The following PSMD14 variants were observed in gnomAD, a reference collection of about 807,000 sequenced individuals.
The protein encoded by PSMD14 is proteasome 26S subunit, non-ATPase 14.
A neutral mutation model predicts 41.2 loss-of-function variants in PSMD14; 7 were observed. The observed-to-expected ratio is 0.17, with a 90% CI of 0.10 to 0.32. PSMD14 has a LOEUF of 0.32. Ranked by LOEUF, PSMD14 falls within the 10% of genes least tolerant of loss-of-function variation. PSMD14 has a pLI of 1.00. For synonymous variants in PSMD14, 114 were observed against 122.3 expected (o/e 0.93, Z 0.45); for missense variants, 139 against 375.6 (o/e 0.37, Z 5.21).
At chr2:161,314,441 C>A (rs1475224719) in intron 1 of PSMD14, among the ~76,000 whole-genome samples, 8 of 152,202 alleles carry the variant, frequency 5.3e-5, no homozygotes. Context: ...AGTTTAGTAT[C>A]ATTTTGTCCA....
chr2:161,358,520 C>T (rs918538662), intron 3 of PSMD14, among the ~76,000 whole-genome samples: 2 of 152,136 alleles, frequency 1.3e-5, no homozygotes, highest in African/African-American at 4.8e-5. Context: ...GGTAGCTCCT[C>T]CCAATCCTGA....
At chr2:161,365,280 G>A (rs936186429) in intron 3 of PSMD14, among the ~76,000 whole-genome samples, 1 of 152,172 alleles carries the variant, frequency 6.6e-6, no homozygotes, top group African/African-American at 2.4e-5. Context: ...CTCTCTCGAG[G>A]TAACTCTAGT....
At chr2:161,331,345 C>T (rs1682787917) in intron 3 of PSMD14, among the ~76,000 whole-genome samples, 2 of 151,904 alleles carry the variant, frequency 1.3e-5, no homozygotes, top group Non-Finnish European at 1.5e-5. Context: ...TCAGTGCAAC[C>T]TCCGCCTCCC....
At position 161,401,121 on chromosome 2, in the gene PSMD14, T is replaced by C. The variant is rs563474904; in HGVS notation, c.771+5918T>C. Among the ~76,000 whole-genome samples, 12 of 152,376 alleles carry C rather than the reference T, an allele frequency of 7.9e-5. No individual in the cohort carries two copies. In the South Asian group the frequency reaches 2.5e-3, roughly 32 times the overall value. ...CTTGTAAACAGATAATGTAAACTTATTGTATTGATAAATAAGTACGGTACT... is the reference window on the plus strand; with the variant it reads ...CTTGTAAACAGATAATGTAAACTTACTGTATTGATAAATAAGTACGGTACT... On this transcript the variant is annotated intron_variant, in intron 10 of 11. Coordinates refer to ENST00000409682, the MANE Select transcript of PSMD14 (RefSeq NM_005805.6).
At chr2:161,311,625 C>CTT (rs34635738) in intron 1 of PSMD14, among the ~76,000 whole-genome samples, 169 of 58,524 alleles carry the variant, frequency 2.9e-3, no homozygotes, top group East Asian at 4.5e-3. Flanking sequence ...CTCACTCTTC[C>CTT]TTTTTTTTTT....
chr2:161,391,170 GA>G lies in PSMD14; in HGVS notation c.639del (p.Glu213AspfsTer6). On this transcript the variant is annotated frameshift_variant, in exon 9 of 12. Transcript: ENST00000409682. LOFTEE classifies it high-confidence loss of function. The part of the protein sequence containing the change: ...ITINYRKNEL[E>X]QKMLLNLHKK... ...TATTAACTATCGGAAAAATGAACTG[GA>G]ACAGAAGGTAAGTTTAAATTTTTAT... 6.6e-7 allele frequency: 1 copy of G among 1,520,188 alleles called. No individual in the cohort carries two copies. Among genetic ancestry groups the G allele is most frequent in the South Asian group, 1.3e-5 (1 of 77,506 alleles). The allele number at this position is 1,520,188 out of a possible 1,614,324, so 94.2% of individuals were successfully genotyped here.
intron 3 of PSMD14, among the ~76,000 whole-genome samples, chr2:161,345,091 A>G (rs1034031250): frequency 2.0e-4 from 31 of 152,156 alleles, no homozygotes; most frequent in Middle Eastern, 3.2e-3. Flanking sequence ...TTCTGGATGT[A>G]GATACTCAGT....
chr2:161,364,019 A>T (rs1683325469), intron 3 of PSMD14, among the ~76,000 whole-genome samples: 1 of 152,222 alleles, frequency 6.6e-6, no homozygotes, highest in Non-Finnish European at 1.5e-5. Flanking sequence ...GAAGAATCAG[A>T]TCACACGTGG....
intron 1 of PSMD14, among the ~76,000 whole-genome samples, chr2:161,315,558 A>G (rs754274380): frequency 6.6e-6 from 1 of 152,210 alleles, no homozygotes; most frequent in Non-Finnish European, 1.5e-5. Context: ...CTACAACACA[A>G]TAAAAATGGA....
intron 3 of PSMD14, among the ~76,000 whole-genome samples, chr2:161,364,089 C>G (rs1416868825): frequency 2.0e-5 from 3 of 152,076 alleles, no homozygotes; most frequent in Non-Finnish European, 2.9e-5. Flanking sequence ...ATGGGGGAGC[C>G]AGAAGGGAGA....
At chr2:161,342,230 A>G (rs963288101) in intron 3 of PSMD14, among the ~76,000 whole-genome samples, 1 of 152,204 alleles carries the variant, frequency 6.6e-6, no homozygotes, top group African/African-American at 2.4e-5. Flanking sequence ...CGTAGGGGGA[A>G]ACATTCATTA....
chr2:161,348,709 A>G (rs1683078626), intron 3 of PSMD14, among the ~76,000 whole-genome samples: 1 of 152,226 alleles, frequency 6.6e-6, no homozygotes, highest in Non-Finnish European at 1.5e-5. Flanking sequence ...ACGATCACTA[A>G]GATGAGAATA....
At chr2:161,315,841 CTTTTTTTTTTTT>C (rs34015300) in intron 1 of PSMD14, among the ~76,000 whole-genome samples, 1 of 96,790 alleles carries the variant, frequency 1.0e-5, no homozygotes, top group Non-Finnish European at 2.1e-5. Context: ...TTATTTTATT[CTTTTTTTTTTTT>C]TTTTTTTGAG....
chr2:161,332,388 T>TA (rs1378298960), intron 3 of PSMD14, among the ~76,000 whole-genome samples: 1 of 152,196 alleles, frequency 6.6e-6, no homozygotes, highest in Admixed American at 6.5e-5. Context: ...TTGTTTTATT[T>TA]AAAAAAATTA....
At chr2:161,367,387 A>T (rs948125626) in intron 3 of PSMD14, 91 bp from the exon 4 acceptor site, 34 of 1,071,626 alleles carry the variant, frequency 3.2e-5, no homozygotes, top group Non-Finnish European at 4.3e-5. Context: ...AAACTATTTT[A>T]AAAATATCAA....
At chr2:161,362,147 C>T (rs1683297825) in intron 3 of PSMD14, among the ~76,000 whole-genome samples, 1 of 152,060 alleles carries the variant, frequency 6.6e-6, no homozygotes, top group Admixed American at 6.5e-5. Context: ...CTCACTGCAG[C>T]CTCAGCCTTT....
At chr2:161,354,277 T>C (rs1280711274) in intron 3 of PSMD14, among the ~76,000 whole-genome samples, 1 of 152,152 alleles carries the variant, frequency 6.6e-6, no homozygotes, top group Non-Finnish European at 1.5e-5. Flanking sequence ...AGACAGAGTC[T>C]CACTCTTGCC....
intron 3 of PSMD14, among the ~76,000 whole-genome samples, chr2:161,347,561 ATAGT>A: frequency 6.6e-6 from 1 of 152,352 alleles, no homozygotes; most frequent in East Asian, 1.9e-4. Context: ...TTCAAATTAA[ATAGT>A]TAATTGAAAC....
chr2:161,345,928 G>A (rs1259902425), intron 3 of PSMD14, among the ~76,000 whole-genome samples: 1 of 151,882 alleles, frequency 6.6e-6, no homozygotes, highest in African/African-American at 2.4e-5. Flanking sequence ...CCTCACTTCT[G>A]TCACCCAGGC....
Sources: gnomAD v4.1 joint callset for allele counts (sites outside exome capture counted in the v4.1 genomes callset) on GRCh38, gnomAD v4.1.1 for gene constraint, MANE v1.5 for transcripts, NCBI Gene and HGNC (gene_info 2026-07-23, HGNC 2026-07-21) for gene names.